Variants in CFAP77 observed in about 807,000 individuals in gnomAD.
The protein encoded by CFAP77 is cilia- and flagella-associated protein 77.
In CFAP77, 25 loss-of-function variants were observed where a neutral mutation model predicts 31.1. The ratio of observed to expected loss-of-function variants is 0.80; its 90% CI spans 0.59 to 1.12. The LOEUF is 1.12. Among genes scored for constraint, CFAP77 ranks in the 50% most tolerant of loss-of-function variants. CFAP77 has a pLI of 0.00. For synonymous variants in CFAP77, 151 were observed against 159.9 expected, an observed-to-expected ratio of 0.94 and a Z score of 0.42; for missense variants, 377 against 397.3, an observed-to-expected ratio of 0.95 and a Z score of 0.44.
In CFAP77 at chr9:132,501,431, G is replaced by C. The variant is rs188568110; in HGVS notation, c.524+1831G>C. On this transcript the variant is annotated intron_variant, in intron 3 of 5. Coordinates refer to ENST00000393216, the MANE Select transcript of CFAP77 (RefSeq NM_001282957.2). This position sits in a 1 kb window ranked among gnomAD's most constrained non-coding sequence, Gnocchi z 4.6. ...TTTTTTTTTTTTGGACAGTGTCTCT[G>C]TCTGTCCCCCAGGCTGGAGTGCAGT... 5.6e-4 allele frequency among the ~76,000 whole-genome samples: 81 copies of C among 144,254 alleles called. No individual in the cohort carries two copies. Among genetic ancestry groups the C allele is most frequent in the African/African-American group, 2.1e-3 (80 of 38,348 alleles). The allele number at this position is 144,254 out of a possible 152,430, so 94.6% of individuals were successfully genotyped here.
At chr9:132,537,086 G>A (rs557844637) in intron 3 of CFAP77, among the ~76,000 whole-genome samples, 1 of 152,278 alleles carries the variant, frequency 6.6e-6, no homozygotes, top group South Asian at 2.1e-4. Context: ...AGATACAACA[G>A]AAGTGGGGAT....
At chr9:132,514,068 C>A (rs1242900840) in intron 3 of CFAP77, among the ~76,000 whole-genome samples, 1 of 63,106 alleles carries the variant, frequency 1.6e-5, no homozygotes, top group Non-Finnish European at 3.2e-5. Context: ...GTGTCCCTGA[C>A]CACAGGTGAT....
chr9:132,466,570 AATTTCCTGCACATCCGGTCCTT>A (rs1851154199), intron 1 of CFAP77, among the ~76,000 whole-genome samples: 1 of 152,194 alleles, frequency 6.6e-6, no homozygotes, highest in South Asian at 2.1e-4. Context: ...GATGTCAAGT[AATTTCCTGCACATCCGGTCCTT>A]GGGAAAGAAA....
intron 1 of CFAP77, among the ~76,000 whole-genome samples, chr9:132,422,620 C>T (rs1303857194): frequency 1.3e-5 from 2 of 152,074 alleles, no homozygotes; most frequent in Admixed American, 6.5e-5. Flanking sequence ...GGAAAGAGGG[C>T]CAGGGGGCTG....
intron 1 of CFAP77, among the ~76,000 whole-genome samples, chr9:132,416,144 C>T (rs1165720939): frequency 6.6e-6 from 1 of 151,888 alleles, no homozygotes; most frequent in East Asian, 1.9e-4. Flanking sequence ...TTGCGGTGGT[C>T]CCTGAGACCT....
chr9:132,459,918 T>G (rs901053312), intron 1 of CFAP77, among the ~76,000 whole-genome samples: 3 of 150,318 alleles, frequency 2.0e-5, no homozygotes, highest in Non-Finnish European at 3.0e-5. Flanking sequence ...GAGTGTGAGT[T>G]TGTATGAGTG....
rs1829879534 is a variant in CFAP77 at position 132,565,927 on chromosome 9, T to C, written c.733-6461T>C. On this transcript the variant is annotated intron_variant, in intron 5 of 5. Coordinates refer to ENST00000393216, the MANE Select transcript of CFAP77 (RefSeq NM_001282957.2). This position sits in a 1 kb window ranked among gnomAD's most constrained non-coding sequence, Gnocchi z 4.1. ...CTGTGGCACTTGCCTCTTATTTACC[T>C]GCATTGACCTTAGAGCAGCTCAGAG... 6.6e-6 allele frequency among the ~76,000 whole-genome samples: 1 copy of C among 152,254 alleles called. No homozygotes were observed. The highest frequency in any genetic ancestry group is 2.4e-5 in the African/African-American group (1 of 41,472).
At chr9:132,429,421 C>T (rs1216706011) in intron 1 of CFAP77, among the ~76,000 whole-genome samples, 2 of 151,372 alleles carry the variant, frequency 1.3e-5, no homozygotes, top group East Asian at 3.9e-4. Context: ...TCCTGTAGTC[C>T]CAGCTACTTG....
At position 132,490,468 on chromosome 9, in the gene CFAP77, C is replaced by G. The variant is rs1042957463; in HGVS notation, c.196-8227C>G. Among the ~76,000 whole-genome samples the G allele has an allele frequency of 1.3e-5, 2 of 152,132 alleles. No homozygotes were observed. The highest frequency in any genetic ancestry group is 4.8e-5 in the African/African-American group (2 of 41,420). ...CCCTGTAGGTTCTTAACAGGCTTCA[C>G]ACAGCCCCTCTGAGGTGCCCAGAGA... On this transcript the variant is annotated intron_variant, in intron 1 of 5. Coordinates refer to ENST00000393216, the MANE Select transcript of CFAP77 (RefSeq NM_001282957.2). The surrounding 1 kb of genome is among the most constrained non-coding windows in gnomAD (Gnocchi z 4.6).
intron 3 of CFAP77, among the ~76,000 whole-genome samples, chr9:132,531,058 T>C (rs533189957): frequency 6.6e-6 from 1 of 152,218 alleles, no homozygotes; most frequent in African/African-American, 2.4e-5. Flanking sequence ...CCTTCCTCCA[T>C]TGAATTGCAA....
chr9:132,449,436 T>C (rs1413815308), intron 1 of CFAP77, among the ~76,000 whole-genome samples: 1 of 70,004 alleles, frequency 1.4e-5, no homozygotes, highest in African/African-American at 5.8e-5. Context: ...AGTACACAGG[T>C]TTTTTTTTTT....
intron 1 of CFAP77, among the ~76,000 whole-genome samples, chr9:132,429,472 A>G (rs1850369285): frequency 7.4e-6 from 1 of 134,512 alleles, no homozygotes; most frequent in Non-Finnish European, 1.5e-5. Flanking sequence ...CAGGAGGCGG[A>G]GGTTGTAGTG....
chr9:132,484,894 G>A (rs1397754612), intron 1 of CFAP77, among the ~76,000 whole-genome samples: 2 of 150,840 alleles, frequency 1.3e-5, no homozygotes, highest in Non-Finnish European at 2.9e-5. Context: ...TGTCACCCAG[G>A]CTGGAGTGCA....
chr9:132,529,504 T>TAAAAAAAAAA (rs1852395594), intron 3 of CFAP77, among the ~76,000 whole-genome samples: 1 of 67,840 alleles, frequency 1.5e-5, no homozygotes. Flanking sequence ...ACTTAGAGTA[T>TAAAAAAAAAA]AATAAAAAAA....
At chr9:132,570,072 G>A (rs1390177891) in intron 5 of CFAP77, among the ~76,000 whole-genome samples, 1 of 152,128 alleles carries the variant, frequency 6.6e-6, no homozygotes, top group African/African-American at 2.4e-5. Flanking sequence ...CAGGAAGATC[G>A]TGTCACAGTG....
At chr9:132,440,193 T>C (rs531597525) in intron 1 of CFAP77, among the ~76,000 whole-genome samples, 4 of 151,972 alleles carry the variant, frequency 2.6e-5, no homozygotes, top group East Asian at 3.9e-4. Context: ...AAAAATTAGC[T>C]GGGCATGGTT....
In CFAP77 at chr9:132,495,849, G is replaced by A. The variant is rs989556309; in HGVS notation, c.196-2846G>A. Among the ~76,000 whole-genome samples the A allele has an allele frequency of 3.9e-5, 6 of 152,212 alleles. No homozygotes were observed. Among genetic ancestry groups the A allele is most frequent in the African/African-American group, 1.2e-4 (5 of 41,458 alleles). ...ACTCTATCTCTGCTCTCTGCCACGT[G>A]AAGATACAACAAGAAGGCGGCCATC... On this transcript the variant is annotated intron_variant, in intron 1 of 5. Coordinates refer to ENST00000393216, the MANE Select transcript of CFAP77 (RefSeq NM_001282957.2). This position sits in a 1 kb window ranked among gnomAD's most constrained non-coding sequence, Gnocchi z 4.2.
At chr9:132,418,110 G>T (rs1387973718) in intron 1 of CFAP77, among the ~76,000 whole-genome samples, 1 of 152,264 alleles carries the variant, frequency 6.6e-6, no homozygotes, top group Non-Finnish European at 1.5e-5. Context: ...TTGTAACGTG[G>T]TCGGATTCAA....
At chr9:132,445,221 G>A (rs543805856) in intron 1 of CFAP77, among the ~76,000 whole-genome samples, 21 of 152,136 alleles carry the variant, frequency 1.4e-4, no homozygotes, top group Admixed American at 6.6e-5. Context: ...TGATCTGCCC[G>A]CCTCAGCCTC....
Sources: allele counts gnomAD v4.1 joint callset (sites outside exome capture counted in the v4.1 genomes callset), GRCh38; gene constraint gnomAD v4.1.1; non-coding constraint Gnocchi (gnomAD v3.1); transcripts MANE v1.5; gene names NCBI Gene and HGNC (gene_info 2026-07-23, HGNC 2026-07-21).